Variants in HLCS observed in about 807,000 individuals in gnomAD.
The protein encoded by HLCS is biotin--protein ligase.
A neutral mutation model predicts 75.0 loss-of-function variants in HLCS; 53 were observed. That is an observed-to-expected ratio of 0.71 (90% CI 0.57 to 0.89). HLCS has a LOEUF of 0.89. HLCS is among the 40% of genes least tolerant of loss of function. HLCS has a pLI of 0.00. For missense variants in HLCS, 966 were observed against 1,074.0 expected, an observed-to-expected ratio of 0.90 and a Z score of 1.41; for synonymous variants, 431 against 428.6, an observed-to-expected ratio of 1.01 and a Z score of -0.07.
chr21:36,888,494 A>ATTTATT (rs1569150213), intron 6 of HLCS, among the ~76,000 whole-genome samples: 4 of 93,034 alleles, frequency 4.3e-5, no homozygotes, highest in Non-Finnish European at 5.9e-5. Flanking sequence ...ATATATATAT[A>ATTTATT]TATTTATTTA....
At chr21:36,864,883 G>T (rs558524775) in intron 6 of HLCS, among the ~76,000 whole-genome samples, 1 of 152,300 alleles carries the variant, frequency 6.6e-6, no homozygotes, top group South Asian at 2.1e-4. Flanking sequence ...AAATAAAGGA[G>T]TTTTATTATA....
At position 36,751,866 on chromosome 21, in the gene HLCS, C is replaced by G. The variant is rs765847266; in HGVS notation, c.*2380G>C. On this transcript the variant is annotated 3_prime_UTR_variant, in exon 11 of 11. Coordinates refer to ENST00000674895, the MANE Select transcript of HLCS (RefSeq NM_001352514.2). ...CACAGCCTCTAAAACAAGGGCTACTCCAGTGTTCTAAAAGCACACGCCAAT... is the reference window on the plus strand; with the variant it reads ...CACAGCCTCTAAAACAAGGGCTACTGCAGTGTTCTAAAAGCACACGCCAAT... 2.0e-5 allele frequency: 3 copies of G among 152,162 alleles called. No homozygotes were observed. Among genetic ancestry groups the G allele is most frequent in the Non-Finnish European group, 4.4e-5 (3 of 68,034 alleles). 9.4% of individuals were successfully genotyped at this position (152,162 alleles called of 1,614,324 possible). A position where few individuals can be genotyped will look rare whatever the true frequency, so the allele number is the denominator to read the frequency against.
At chr21:36,767,077 T>C (rs1385760133) in intron 7 of HLCS, 141 bp downstream of exon 7, 2 of 788,810 alleles carry the variant, frequency 2.5e-6, no homozygotes, top group Non-Finnish European at 4.5e-6. Flanking sequence ...TCTTCCTCCA[T>C]TCCAGGCGGT....
chr21:36,927,660 A>C (rs1283998599), intron 5 of HLCS, among the ~76,000 whole-genome samples: 2 of 152,240 alleles, frequency 1.3e-5, no homozygotes. Context: ...ATTTCTGCAG[A>C]CCCAAAAGAA....
At chr21:36,821,307 T>G (rs2061834749) in intron 6 of HLCS, among the ~76,000 whole-genome samples, 1 of 152,162 alleles carries the variant, frequency 6.6e-6, no homozygotes, top group Non-Finnish European at 1.5e-5. Flanking sequence ...CTGTTTTTTG[T>G]GTATAGTAGG....
intron 4 of HLCS, among the ~76,000 whole-genome samples, chr21:36,932,603 T>C (rs1324833926): frequency 6.6e-6 from 1 of 152,226 alleles, no homozygotes; most frequent in East Asian, 1.9e-4. Context: ...AGATTTTAAA[T>C]GAGCATTGAA....
chr21:36,871,498 C>G (rs571227281), intron 6 of HLCS, among the ~76,000 whole-genome samples: 1 of 152,218 alleles, frequency 6.6e-6, no homozygotes, highest in East Asian at 1.9e-4. Context: ...CTTTATCAGG[C>G]TACCATGACA....
At chr21:36,781,718 G>C (rs2060539396) in intron 6 of HLCS, among the ~76,000 whole-genome samples, 1 of 152,138 alleles carries the variant, frequency 6.6e-6, no homozygotes, top group South Asian at 2.1e-4. Flanking sequence ...TTGTCTGTTT[G>C]GATTGGCTAA....
chr21:36,829,896 A>T (rs944871736), intron 6 of HLCS, among the ~76,000 whole-genome samples: 1 of 152,198 alleles, frequency 6.6e-6, no homozygotes, highest in African/African-American at 2.4e-5. Context: ...CCTGTAGTAC[A>T]ACCCGGCTGC....
intron 1 of HLCS, among the ~76,000 whole-genome samples, chr21:36,985,369 A>G (rs1000501008): frequency 1.3e-5 from 2 of 152,220 alleles, no homozygotes; most frequent in African/African-American, 4.8e-5. Context: ...GCGGTGGCTC[A>G]CGCCTGTAAT....
chr21:36,880,256 C>T (rs1180905243), intron 6 of HLCS, among the ~76,000 whole-genome samples: 1 of 152,106 alleles, frequency 6.6e-6, no homozygotes, highest in Non-Finnish European at 1.5e-5. Flanking sequence ...CCAAGAAGGC[C>T]TCTTAGCAGT....
At chr21:36,920,506 A>G (rs2066117667) in intron 5 of HLCS, among the ~76,000 whole-genome samples, 1 of 152,172 alleles carries the variant, frequency 6.6e-6, no homozygotes, top group African/African-American at 2.4e-5. Context: ...ACATGCTCAA[A>G]TAACTAAAAT....
At chr21:36,892,438 T>C (rs1380270071) in intron 6 of HLCS, among the ~76,000 whole-genome samples, 4 of 152,136 alleles carry the variant, frequency 2.6e-5, no homozygotes, top group South Asian at 4.1e-4. Context: ...GTGTGGCACA[T>C]GGTGTGCTGG....
At chr21:36,928,244 T>G (rs750260812) in intron 5 of HLCS, among the ~76,000 whole-genome samples, 3 of 152,100 alleles carry the variant, frequency 2.0e-5, no homozygotes, top group Non-Finnish European at 4.4e-5. Context: ...GCCATTTCCT[T>G]CTACAGCAGA....
intron 6 of HLCS, among the ~76,000 whole-genome samples, chr21:36,834,010 C>T (rs532482336): frequency 7.2e-5 from 11 of 152,316 alleles, no homozygotes; most frequent in Admixed American, 2.0e-4. Context: ...TCCAACCAAA[C>T]GCAGACTGAA....
rs2089441202 is a variant in HLCS, at chr21:36,753,453, C to CA, written c.*792dup. On this transcript the variant is annotated 3_prime_UTR_variant, in exon 11 of 11. Transcript: ENST00000674895. This position sits in a 1 kb window ranked among gnomAD's most constrained non-coding sequence, Gnocchi z 4.3. ...GAGCCAAATCGCCCACCTCCTCATCCAAGTGATGCCTAATCAGACATTTAA... is the reference window on the plus strand; with the variant it reads ...GAGCCAAATCGCCCACCTCCTCATCCAAAGTGATGCCTAATCAGACATTTAA... 1 of 152,226 alleles carries CA rather than the reference C, an allele frequency of 6.6e-6. No homozygotes were observed. Among genetic ancestry groups the CA allele is most frequent in the African/African-American group, 2.4e-5 (1 of 41,428 alleles). The allele number at this position is 152,226 out of a possible 1,614,324, so 9.4% of individuals were successfully genotyped here.
chr21:36,765,124 G>A lies in HLCS; in HGVS notation c.2009C>T (p.Thr670Ile). The change falls in exon 8 of 11, where the codon ACT (threonine) becomes ATT (isoleucine). Residue 670 changes from threonine to isoleucine, a missense_variant. Physicochemically the swap from Thr to Ile is moderately conservative, Grantham distance 89. Transcript: ENST00000674895. ...WLSPVGCALS[T>I]LLISIPLRSQ... ...TCTCAGTGGAATGGAGATGAGCAGA[G>A]TAGAAAGAGCACATCCCACAGGGCT... is the stretch of plus-strand genomic sequence containing the variant. 1.9e-6 allele frequency: 3 copies of A among 1,614,138 alleles called. No homozygotes were observed. Among genetic ancestry groups the A allele is most frequent in the Non-Finnish European group, 2.5e-6 (3 of 1,179,980 alleles).
chr21:36,762,429 A>T (rs1263872532), intron 8 of HLCS, among the ~76,000 whole-genome samples: 1 of 151,970 alleles, frequency 6.6e-6, no homozygotes, highest in Admixed American at 6.6e-5. Context: ...CAGGAGTGAG[A>T]ATGGGCGGCC....
intron 6 of HLCS, among the ~76,000 whole-genome samples, chr21:36,849,698 T>C (rs2062922686): frequency 6.6e-6 from 1 of 152,248 alleles, no homozygotes; most frequent in Admixed American, 6.5e-5. Flanking sequence ...CTTTGGCTTC[T>C]GGCTTGCTTT....
Sources: gnomAD v4.1 joint callset for allele counts (sites outside exome capture counted in the v4.1 genomes callset) on GRCh38, gnomAD v4.1.1 for gene constraint, Gnocchi (gnomAD v3.1) non-coding constraint, MANE v1.5 for transcripts, NCBI Gene and HGNC (gene_info 2026-07-23, HGNC 2026-07-21) for gene names.